SHROOM2: variants seen among roughly 807,000 people sequenced by gnomAD.
SHROOM2 encodes the protein shroom family member 2, also known as protein Shroom2.
In SHROOM2, 33 loss-of-function variants were observed where a neutral mutation model predicts 75.9. That is an observed-to-expected ratio of 0.43 (90% CI 0.33 to 0.58). SHROOM2 has a LOEUF of 0.58. Among genes scored for constraint, SHROOM2 ranks in the 20% least tolerant of loss-of-function variants. The pLI is 0.04. For synonymous variants in SHROOM2, 655 were observed against 663.6 expected, an observed-to-expected ratio of 0.99 and a Z score of 0.20; for missense variants, 1,434 against 1,461.2, an observed-to-expected ratio of 0.98 and a Z score of 0.30.
At chrX:9,803,349 T>A (rs1332832665) in intron 1 of SHROOM2, among the ~76,000 whole-genome samples, 2 of 111,782 alleles carry the variant, frequency 1.8e-5, no homozygotes, top group African/African-American at 3.3e-5. Context: ...AATAATTTTT[T>A]AAAAATTTGT....
At chrX:9,838,226 A>G (rs1261767410) in intron 1 of SHROOM2, among the ~76,000 whole-genome samples, 1 of 108,781 alleles carries the variant, frequency 9.2e-6, no homozygotes, top group East Asian at 2.9e-4. Context: ...ACGCCCGGCT[A>G]ATTTTTTGTA....
intron 1 of SHROOM2, among the ~76,000 whole-genome samples, chrX:9,795,200 C>T (rs2083688971): frequency 9.1e-6 from 1 of 109,999 alleles, no homozygotes; most frequent in African/African-American, 3.3e-5. Flanking sequence ...TATAGCCACA[C>T]TACAGCCTTG....
At chrX:9,822,890 C>T (rs1235615124) in intron 1 of SHROOM2, among the ~76,000 whole-genome samples, 1 of 112,202 alleles carries the variant, frequency 8.9e-6, no homozygotes, top group African/African-American at 3.2e-5. Flanking sequence ...CCAGCAAACA[C>T]TGGCAGCGGG....
At chrX:9,941,602 A>C (rs918533814) in intron 8 of SHROOM2, among the ~76,000 whole-genome samples, 3 of 112,134 alleles carry the variant, frequency 2.7e-5, no homozygotes, top group Admixed American at 9.5e-5. Flanking sequence ...CAGCTGAGGT[A>C]GGTTTTGAGG....
intron 2 of SHROOM2, among the ~76,000 whole-genome samples, chrX:9,876,768 G>A (rs2084202894): frequency 8.9e-6 from 1 of 112,600 alleles, no homozygotes; most frequent in African/African-American, 3.2e-5. Flanking sequence ...ATGAGGGAAA[G>A]AGGTATATAC....
chrX:9,903,223 T>C (rs2084373999), intron 5 of SHROOM2, among the ~76,000 whole-genome samples: 3 of 112,191 alleles, frequency 2.7e-5, no homozygotes, highest in African/African-American at 3.2e-5. Context: ...TTTGTCACTT[T>C]AGGGCAGATG....
At chrX:9,892,703 C>T (rs1330335848) in intron 3 of SHROOM2, among the ~76,000 whole-genome samples, 5 of 111,740 alleles carry the variant, frequency 4.5e-5, no homozygotes, top group African/African-American at 1.3e-4. Context: ...GTGGTCTGTT[C>T]TTACAGAAGA....
chrX:9,909,710 C>T (rs948346060), intron 5 of SHROOM2, among the ~76,000 whole-genome samples: 7 of 112,347 alleles, frequency 6.2e-5, no homozygotes, highest in South Asian at 7.4e-4. Flanking sequence ...TGCAAAATGC[C>T]GGAACAGACC....
At chrX:9,799,519 A>G (rs1471893710) in intron 1 of SHROOM2, among the ~76,000 whole-genome samples, 1 of 111,578 alleles carries the variant, frequency 9.0e-6, no homozygotes, top group South Asian at 3.8e-4. Context: ...ACCATTAATT[A>G]AGAATTTTTA....
intron 2 of SHROOM2, among the ~76,000 whole-genome samples, chrX:9,886,193 T>G (rs1339716403): frequency 8.9e-6 from 1 of 112,197 alleles, no homozygotes; most frequent in Non-Finnish European, 1.9e-5. Flanking sequence ...TCCAGGCAGG[T>G]TCCCTGCCTG....
At chrX:9,924,519 C>T in intron 5 of SHROOM2, among the ~76,000 whole-genome samples, 1 of 111,670 alleles carries the variant, frequency 9.0e-6, no homozygotes, top group Non-Finnish European at 1.9e-5. Flanking sequence ...CCATGCCTGG[C>T]TGGTTTTTCA....
At chrX:9,905,007 C>T (rs2084384176) in intron 5 of SHROOM2, among the ~76,000 whole-genome samples, 1 of 112,180 alleles carries the variant, frequency 8.9e-6, no homozygotes, top group African/African-American at 3.2e-5. Context: ...GCCAGCACAC[C>T]TAGCTAATTA....
At chrX:9,888,887 C>T (rs1297347158) in intron 2 of SHROOM2, among the ~76,000 whole-genome samples, 2 of 112,418 alleles carry the variant, frequency 1.8e-5, no homozygotes, top group Admixed American at 9.4e-5. Flanking sequence ...CAGTTATTCC[C>T]GAAGCAGGGC....
chrX:9,813,473 C>T (rs748650815), intron 1 of SHROOM2, among the ~76,000 whole-genome samples: 189 of 111,640 alleles, frequency 1.7e-3, no homozygotes, highest in Non-Finnish European at 2.9e-3. Flanking sequence ...ATTTCCCTTT[C>T]CCCAATGCAC....
Position 9,812,402 on chromosome X carries a change from A to G in SHROOM2, c.165+25692A>G, listed in dbSNP as rs149387001. ...ATAAATGGGTTGGAGTAACACACCCAAATGAGGTGTTGCCTCCAAAATCCA... is the reference window on the plus strand; with the variant it reads ...ATAAATGGGTTGGAGTAACACACCCGAATGAGGTGTTGCCTCCAAAATCCA... On this transcript the variant is annotated intron_variant, in intron 1 of 9. Coordinates refer to ENST00000380913, the MANE Select transcript of SHROOM2 (RefSeq NM_001649.4). Among the ~76,000 whole-genome samples the G allele has an allele frequency of 9.8e-3, 1,102 of 112,058 alleles. 11 individuals are homozygous for G. The highest frequency in any genetic ancestry group is 0.033 in the African/African-American group (1,029 of 30,907).
At chrX:9,848,227 G>A (rs111890901) in intron 1 of SHROOM2, among the ~76,000 whole-genome samples, 20 of 111,101 alleles carry the variant, frequency 1.8e-4, no homozygotes, top group African/African-American at 4.2e-4. Flanking sequence ...AAGCATGGCC[G>A]GGCGCGGTGG....
At chrX:9,822,168 G>C (rs2083856560) in intron 1 of SHROOM2, among the ~76,000 whole-genome samples, 1 of 111,581 alleles carries the variant, frequency 9.0e-6, no homozygotes, top group African/African-American at 3.3e-5. Flanking sequence ...GAAAGAGTGT[G>C]TGTTGTTTAA....
At position 9,906,514 on chromosome X, in the gene SHROOM2, G is replaced by T. The variant is rs146447065; in HGVS notation, c.2891+8224G>T. Among the ~76,000 whole-genome samples, 802 of 113,047 alleles carry T rather than the reference G, an allele frequency of 7.1e-3. 9 individuals are homozygous for T. Among genetic ancestry groups the T allele is most frequent in the African/African-American group, 0.024 (750 of 31,174 alleles). ...TTTTAATTTAAAATGGGTCTGTCAG[G>T]CAGGGCGTGGTGGCTCACGCCTGTA... is the stretch of plus-strand genomic sequence containing the variant. On this transcript the variant is annotated intron_variant, in intron 5 of 9. Transcript: ENST00000380913.
chrX:9,896,634 A>G lies in SHROOM2; in HGVS notation c.2726A>G (p.Gln909Arg). 4 of 1,207,520 alleles carry G rather than the reference A, an allele frequency of 3.3e-6. No individual in the cohort carries two copies. The highest frequency in any genetic ancestry group is 4.5e-6 in the Non-Finnish European group (4 of 893,371). ...DDILDVSLDP[Q>R]ERPQHVHGRS... Reference sequence around the variant, plus strand: ...ATCCTGGATGTGAGCCTGGACCCACAGGAGAGGCCGCAGCACGTTCATGGG... The same window carrying G: ...ATCCTGGATGTGAGCCTGGACCCACGGGAGAGGCCGCAGCACGTTCATGGG... Residue 909 changes from glutamine (Q) to arginine (R), a missense_variant, in exon 4 of 10, where the codon CAG becomes CGG. Gln to Arg is a conservative substitution (Grantham distance 43). Around this residue, in one of 3 missense-constraint regions of SHROOM2, gnomAD observed 1,340 missense variants for 1,338.3 expected, o/e 1.00. Coordinates refer to ENST00000380913, the MANE Select transcript of SHROOM2 (RefSeq NM_001649.4).
Sources: allele counts gnomAD v4.1 joint callset (sites outside exome capture counted in the v4.1 genomes callset), GRCh38; gene constraint gnomAD v4.1.1; regional missense constraint gnomAD v4.1.1; transcripts MANE v1.5; gene names NCBI Gene and HGNC (gene_info 2026-07-23, HGNC 2026-07-21).